The following ALPK1 variants were observed in gnomAD, a reference collection of about 807,000 sequenced individuals.
ALPK1 encodes the protein alpha-protein kinase 1.
A neutral mutation model predicts 120.6 loss-of-function variants in ALPK1; 110 were observed. The observed-to-expected ratio is 0.91, with a 90% CI of 0.78 to 1.07. ALPK1 has a LOEUF of 1.07. ALPK1 is among the 50% of genes least tolerant of loss of function. ALPK1 has a pLI of 0.00. For missense variants in ALPK1, 1,498 were observed against 1,483.9 expected, an observed-to-expected ratio of 1.01 and a Z score of -0.16; for synonymous variants, 582 against 560.3, an observed-to-expected ratio of 1.04 and a Z score of -0.55.
chr4:112,422,019 A>G (rs1011842225), intron 5 of ALPK1, among the ~76,000 whole-genome samples: 4 of 152,174 alleles, frequency 2.6e-5, no homozygotes, highest in African/African-American at 9.7e-5. Flanking sequence ...GGTGACTTGA[A>G]CACAAGCACT....
intron 4 of ALPK1, among the ~76,000 whole-genome samples, chr4:112,408,856 C>A (rs372782313): frequency 3.3e-5 from 5 of 152,218 alleles, no homozygotes; most frequent in African/African-American, 1.2e-4. Context: ...TTGAGCATGG[C>A]AATTTTAGTT....
intron 2 of ALPK1, among the ~76,000 whole-genome samples, chr4:112,319,036 C>T (rs542769090): frequency 5.9e-5 from 9 of 152,234 alleles, no homozygotes; most frequent in South Asian, 2.1e-4. Flanking sequence ...AAAGTAACAC[C>T]GTCAGTTCTG....
chr4:112,385,197 T>C (rs888329132), intron 4 of ALPK1, among the ~76,000 whole-genome samples: 20 of 152,166 alleles, frequency 1.3e-4, no homozygotes, highest in African/African-American at 4.6e-4. Flanking sequence ...AAACGATGTT[T>C]TAAACATCAT....
intron 4 of ALPK1, among the ~76,000 whole-genome samples, chr4:112,397,602 C>G (rs1732707179): frequency 1.3e-5 from 2 of 152,186 alleles, no homozygotes; most frequent in Admixed American, 1.3e-4. Context: ...CTCAGTAGCT[C>G]TCCTATTATA....
At chr4:112,416,368 G>A (rs1733746197) in intron 5 of ALPK1, among the ~76,000 whole-genome samples, 1 of 152,036 alleles carries the variant, frequency 6.6e-6, no homozygotes, top group Non-Finnish European at 1.5e-5. Context: ...CATTAACAGT[G>A]GGGGAGAAAA....
chr4:112,409,592 C>G (rs1002213907), intron 4 of ALPK1, among the ~76,000 whole-genome samples: 4 of 151,900 alleles, frequency 2.6e-5, no homozygotes, highest in Admixed American at 2.0e-4. Context: ...CCATGTAGGG[C>G]GGCTTACTAG....
At position 112,411,760 on chromosome 4, in the gene ALPK1, G is replaced by GCTA. The variant is rs1479800890; in HGVS notation, c.277-66_277-64dup. ...TTGTATTAATGAAAATGCCTCCCAC[G>GCTA]CTAAGCCTGGCCCTCAGCCTGCCAG... On this transcript the variant is annotated intron_variant, in intron 4 of 15. Coordinates refer to ENST00000650871, the MANE Select transcript of ALPK1 (RefSeq NM_025144.4). The GCTA allele has an allele frequency of 3.4e-6, 5 of 1,489,546 alleles. No homozygotes were observed. In the East Asian group the frequency reaches 1.2e-4, roughly 37 times the overall value. The allele number at this position is 1,489,546 out of a possible 1,614,324, so 92.3% of individuals were successfully genotyped here.
At chr4:112,327,335 A>G (rs1209103272) in intron 2 of ALPK1, among the ~76,000 whole-genome samples, 1 of 152,208 alleles carries the variant, frequency 6.6e-6, no homozygotes, top group African/African-American at 2.4e-5. Context: ...AGTAATAAAC[A>G]TATGTAAGTT....
chr4:112,324,143 C>T (rs183010763), intron 2 of ALPK1, among the ~76,000 whole-genome samples: 1 of 152,166 alleles, frequency 6.6e-6, no homozygotes, highest in African/African-American at 2.4e-5. Context: ...CTGGCTAATA[C>T]AGTGAAACCC....
At chr4:112,441,177 G>C (rs766919395) in intron 15 of ALPK1, 26 bp from the exon 16 acceptor site, 1 of 1,611,938 alleles carries the variant, frequency 6.2e-7, no homozygotes, top group Non-Finnish European at 8.5e-7. Flanking sequence ...GGTGATGCTC[G>C]CAAATATCTG....
Position 112,330,560 on chromosome 4 carries a change from G to A in ALPK1, c.-101+14708G>A, listed in dbSNP as rs186490335. Among the ~76,000 whole-genome samples, 47 of 152,334 alleles carry A rather than the reference G, an allele frequency of 3.1e-4. 1 individual carries two copies. The East Asian group carries it at 8.9e-3, about 29-fold the overall frequency. On this transcript the variant is annotated intron_variant, in intron 2 of 15. Transcript: ENST00000650871. ...TAATCTACTAAATCTAGTACTCCCAGTGATGTGAGAGGTTCCACTCCTGCT... is the reference window on the plus strand; with the variant it reads ...TAATCTACTAAATCTAGTACTCCCAATGATGTGAGAGGTTCCACTCCTGCT...
intron 4 of ALPK1, 156 bp downstream of exon 4, chr4:112,382,708 T>A: frequency 9.7e-7 from 1 of 1,033,272 alleles, no homozygotes. Flanking sequence ...AAATAGCTGT[T>A]TGAAAAACAT....
intron 2 of ALPK1, chr4:112,358,007 G>C: frequency 1.6e-6 from 1 of 644,824 alleles, no homozygotes; most frequent in Non-Finnish European, 2.9e-6. Flanking sequence ...CACTAGCGAG[G>C]GGCTGGACTT....
At chr4:112,407,500 T>C (rs1014606065) in intron 4 of ALPK1, among the ~76,000 whole-genome samples, 1 of 152,020 alleles carries the variant, frequency 6.6e-6, no homozygotes, top group Non-Finnish European at 1.5e-5. Flanking sequence ...TAAAAATAAG[T>C]AAATAAAAAT....
rs528388510 is a variant in ALPK1, at chr4:112,323,133, T to C, written c.-101+7281T>C. ...TGATGTGCATCTCTTCACACTGCCA[T>C]CCACCCCTGCTCCTCAGAGCCTACC... On this transcript the variant is annotated intron_variant, in intron 2 of 15. Transcript: ENST00000650871. Among the ~76,000 whole-genome samples, 313 of 152,322 alleles carry C rather than the reference T, an allele frequency of 2.1e-3. 4 individuals carry two copies. Among genetic ancestry groups the C allele is most frequent in the Admixed American group, 0.011 (163 of 15,290 alleles).
At chr4:112,333,843 C>A (rs570098783) in intron 2 of ALPK1, among the ~76,000 whole-genome samples, 1 of 152,136 alleles carries the variant, frequency 6.6e-6, no homozygotes, top group Non-Finnish European at 1.5e-5. Flanking sequence ...CACTTCTGCC[C>A]CACAGCCTCT....
At chr4:112,304,423 C>T in intron 1 of ALPK1, among the ~76,000 whole-genome samples, 1 of 152,116 alleles carries the variant, frequency 6.6e-6, no homozygotes, top group Non-Finnish European at 1.5e-5. Flanking sequence ...TGTTTCCTGA[C>T]TTTTTAATGA....
At chr4:112,314,675 C>T (rs1728555883) in intron 1 of ALPK1, among the ~76,000 whole-genome samples, 1 of 152,006 alleles carries the variant, frequency 6.6e-6, no homozygotes, top group South Asian at 2.1e-4. Context: ...CAATGAAGGG[C>T]AGTGGGATAA....
At chr4:112,379,020 G>T (rs1731786016) in intron 3 of ALPK1, among the ~76,000 whole-genome samples, 1 of 152,190 alleles carries the variant, frequency 6.6e-6, no homozygotes, top group Non-Finnish European at 1.5e-5. Flanking sequence ...GTCAGGGAAT[G>T]GCAGGTACTT....
Sources: allele counts gnomAD v4.1 joint callset (sites outside exome capture counted in the v4.1 genomes callset), GRCh38; gene constraint gnomAD v4.1.1; transcripts MANE v1.5; gene names NCBI Gene and HGNC (gene_info 2026-07-23, HGNC 2026-07-21).